The following BRINP3 variants were observed in gnomAD, a reference collection of about 807,000 sequenced individuals.
The protein encoded by BRINP3 is BMP/retinoic acid inducible neural specific 3, also known as BMP/retinoic acid-inducible neural-specific protein 3.
In BRINP3, 19 loss-of-function variants were observed where a neutral mutation model predicts 71.0. The observed-to-expected ratio is 0.27, with a 90% CI of 0.19 to 0.39. BRINP3 has a LOEUF of 0.39. BRINP3 is among the 10% of genes least tolerant of loss of function. The pLI, the probability that BRINP3 is intolerant of heterozygous loss-of-function variation, is 1.00. For synonymous variants in BRINP3, 380 were observed against 337.7 expected, an observed-to-expected ratio of 1.13 and a Z score of -1.37; for missense variants, 959 against 940.8, an observed-to-expected ratio of 1.02 and a Z score of -0.25.
chr1:190,433,723 T>G (rs1674260822), intron 2 of BRINP3, among the ~76,000 whole-genome samples: 1 of 152,202 alleles, frequency 6.6e-6, no homozygotes, highest in Admixed American at 6.5e-5. Context: ...TGACCTGCAA[T>G]TTTCTGAAAA....
chr1:190,290,410 CA>C (rs1663769958), intron 2 of BRINP3, among the ~76,000 whole-genome samples: 2 of 152,074 alleles, frequency 1.3e-5, no homozygotes, highest in Admixed American at 1.3e-4. Context: ...TAATCTATGC[CA>C]GCCATAAGGC....
chr1:190,471,095 G>A (rs1677108217), intron 1 of BRINP3, among the ~76,000 whole-genome samples: 1 of 151,124 alleles, frequency 6.6e-6, no homozygotes, highest in Admixed American at 6.6e-5. Context: ...ATTCTTGCTA[G>A]CTTATATTTA....
chr1:190,372,433 T>C (rs559513775), intron 2 of BRINP3, among the ~76,000 whole-genome samples: 5 of 152,284 alleles, frequency 3.3e-5, no homozygotes, highest in Non-Finnish European at 7.4e-5. Context: ...TGGGTGATTA[T>C]AGACAGAAAC....
Position 190,360,443 on chromosome 1 carries a change from A to T in BRINP3, c.237-78693T>A, listed in dbSNP as rs565111429. On this transcript the variant is annotated intron_variant, in intron 2 of 7. Coordinates refer to ENST00000367462, the MANE Select transcript of BRINP3 (RefSeq NM_199051.3). ...GAAAATTGTTTTAGACAAAATGAAA[A>T]CAAAACAAGACTGAGGTGTATCATG... Among the ~76,000 whole-genome samples, 50 of 152,320 alleles carry T rather than the reference A, an allele frequency of 3.3e-4. No homozygotes were observed. The South Asian group carries it at 3.5e-3, about 11-fold the overall frequency.
intron 2 of BRINP3, among the ~76,000 whole-genome samples, chr1:190,415,901 C>T (rs999802427): frequency 2.0e-5 from 3 of 152,014 alleles, no homozygotes; most frequent in African/African-American, 2.4e-5. Context: ...AGTAAGAACT[C>T]GTTTCTTAAA....
intron 7 of BRINP3, among the ~76,000 whole-genome samples, chr1:190,155,913 T>C (rs561821156): frequency 1.3e-5 from 2 of 152,068 alleles, no homozygotes; most frequent in Non-Finnish European, 2.9e-5. Flanking sequence ...CTCTTTTCTT[T>C]AGAAATTACC....
chr1:190,103,582 C>T (rs1651884487), intron 7 of BRINP3, among the ~76,000 whole-genome samples: 1 of 151,904 alleles, frequency 6.6e-6, no homozygotes, highest in South Asian at 2.1e-4. Context: ...TTGCAAGGTC[C>T]ATTATGTATG....
intron 2 of BRINP3, among the ~76,000 whole-genome samples, chr1:190,290,916 T>C (rs1289291828): frequency 6.6e-6 from 1 of 151,836 alleles, no homozygotes; most frequent in East Asian, 1.9e-4. Context: ...TGCACGTGTG[T>C]GTGTGTGTAT....
chr1:190,273,579 A>G (rs1662299534), intron 3 of BRINP3, among the ~76,000 whole-genome samples: 1 of 151,612 alleles, frequency 6.6e-6, no homozygotes, highest in South Asian at 2.1e-4. Context: ...AAACAAACAA[A>G]CAAAAAATCA....
chr1:190,256,390 T>C (rs1052574096), intron 4 of BRINP3, among the ~76,000 whole-genome samples: 1 of 152,200 alleles, frequency 6.6e-6, no homozygotes, highest in African/African-American at 2.4e-5. Context: ...TCTCTGCACA[T>C]GAGATGGGTC....
At chr1:190,468,315 C>G (rs1676899461) in intron 1 of BRINP3, among the ~76,000 whole-genome samples, 1 of 151,166 alleles carries the variant, frequency 6.6e-6, no homozygotes, top group Non-Finnish European at 1.5e-5. Flanking sequence ...ATTGGAGCTG[C>G]TGATTCTTAC....
intron 2 of BRINP3, among the ~76,000 whole-genome samples, chr1:190,436,021 G>C (rs1674430680): frequency 1.3e-5 from 2 of 151,814 alleles, no homozygotes. Context: ...CCATGATGGA[G>C]TAAATTAGTT....
rs183833570 is a variant in BRINP3, at chr1:190,404,196, T to G, written c.236+50459A>C. Among the ~76,000 whole-genome samples, 130 of 152,310 alleles carry G rather than the reference T, an allele frequency of 8.5e-4. No individual in the cohort carries two copies. The East Asian group carries it at 0.023, about 26-fold the overall frequency. ...TTTTGTTATTTACAAATAGTAATTCTAATGAAAACATTTCAGTATGTAGCA... is the reference window on the plus strand; with the variant it reads ...TTTTGTTATTTACAAATAGTAATTCGAATGAAAACATTTCAGTATGTAGCA... On this transcript the variant is annotated intron_variant, in intron 2 of 7. Coordinates refer to ENST00000367462, the MANE Select transcript of BRINP3 (RefSeq NM_199051.3).
chr1:190,314,828 T>C (rs935128686), intron 2 of BRINP3, among the ~76,000 whole-genome samples: 2 of 152,132 alleles, frequency 1.3e-5, no homozygotes, highest in African/African-American at 4.8e-5. Context: ...AATTATATAA[T>C]ATGGAGACTC....
chr1:190,370,962 G>T (rs992114017), intron 2 of BRINP3, among the ~76,000 whole-genome samples: 4 of 151,930 alleles, frequency 2.6e-5, no homozygotes, highest in African/African-American at 9.7e-5. Flanking sequence ...ATACCTGTTG[G>T]TCATCTGGTT....
intron 2 of BRINP3, among the ~76,000 whole-genome samples, chr1:190,328,571 A>G (rs935331115): frequency 2.6e-5 from 4 of 152,054 alleles, no homozygotes; most frequent in Non-Finnish European, 4.4e-5. Context: ...GGCCAGTTAG[A>G]GTCACAGCTG....
At chr1:190,445,645 T>A (rs2102583811) in intron 2 of BRINP3, among the ~76,000 whole-genome samples, 1 of 152,014 alleles carries the variant, frequency 6.6e-6, no homozygotes, top group South Asian at 2.1e-4. Context: ...AACCCAGTTT[T>A]TTTCCTCTAA....
At chr1:190,290,497 TC>T (rs1184793890) in intron 2 of BRINP3, among the ~76,000 whole-genome samples, 3 of 152,278 alleles carry the variant, frequency 2.0e-5, no homozygotes, top group Admixed American at 6.5e-5. Context: ...ACTAGTTTTC[TC>T]CTATAAACTT....
chr1:190,342,100 G>A (rs1049445764), intron 2 of BRINP3, among the ~76,000 whole-genome samples: 1 of 151,186 alleles, frequency 6.6e-6, no homozygotes, highest in African/African-American at 2.4e-5. Flanking sequence ...GGGTTGCGAT[G>A]GGTCTTTTTC....
Sources: allele counts gnomAD v4.1 joint callset (sites outside exome capture counted in the v4.1 genomes callset), GRCh38; gene constraint gnomAD v4.1.1; transcripts MANE v1.5; gene names NCBI Gene and HGNC (gene_info 2026-07-23, HGNC 2026-07-21).